ARID2: variants seen among roughly 807,000 people sequenced by gnomAD.
ARID2 encodes AT-rich interaction domain 2.
ARID2 carries 32 observed loss-of-function variants against 184.6 expected under a neutral mutation model. The observed-to-expected ratio is 0.17, with a 90% CI of 0.13 to 0.23. ARID2 has a LOEUF of 0.23. Ranked by LOEUF, ARID2 falls within the 10% of genes least tolerant of loss-of-function variation. ARID2 has a pLI of 1.00. For missense variants in ARID2, 1,696 were observed against 2,197.6 expected (o/e 0.77, Z 4.56); for synonymous variants, 836 against 772.6 (o/e 1.08, Z -1.36).
intron 3 of ARID2, among the ~76,000 whole-genome samples, chr12:45,753,642 G>T (rs987813881): frequency 6.6e-6 from 1 of 151,962 alleles, no homozygotes; most frequent in African/African-American, 2.4e-5. Context: ...TCGCTCTGTC[G>T]CCCAGGCTGG....
intron 3 of ARID2, among the ~76,000 whole-genome samples, chr12:45,742,648 G>A (rs372167053): frequency 1.2e-4 from 19 of 152,030 alleles, no homozygotes; most frequent in South Asian, 8.3e-4. Context: ...TGTTCCCATC[G>A]TGTAGCTATA....
At chr12:45,826,044 A>T (rs1316763464) in intron 6 of ARID2, among the ~76,000 whole-genome samples, 1 of 152,098 alleles carries the variant, frequency 6.6e-6, no homozygotes, top group Non-Finnish European at 1.5e-5. Context: ...CTAAGAAGAG[A>T]TAAAATTAAA....
intron 3 of ARID2, among the ~76,000 whole-genome samples, chr12:45,758,358 A>AT (rs889634404): frequency 1.1e-4 from 16 of 150,460 alleles, no homozygotes; most frequent in African/African-American, 3.2e-4. Flanking sequence ...ACATTATGAC[A>AT]TTTTTTTTTG....
At chr12:45,735,841 A>G (rs1486038437) in intron 3 of ARID2, among the ~76,000 whole-genome samples, 1 of 152,210 alleles carries the variant, frequency 6.6e-6, no homozygotes, top group East Asian at 1.9e-4. Context: ...TAAGACAGAT[A>G]GTTTTCACTG....
chr12:45,838,731 C>G (rs1943268168), intron 10 of ARID2, among the ~76,000 whole-genome samples: 1 of 151,968 alleles, frequency 6.6e-6, no homozygotes, highest in South Asian at 2.1e-4. Context: ...CGTGCCAGCA[C>G]TCCAGCCTGG....
intron 20 of ARID2, among the ~76,000 whole-genome samples, chr12:45,899,413 G>C (rs1347048375): frequency 1.3e-5 from 2 of 148,494 alleles, no homozygotes; most frequent in African/African-American, 5.0e-5. Context: ...GACCATCCTG[G>C]CTAACACAGT....
At chr12:45,754,388 C>T (rs1482835775) in intron 3 of ARID2, among the ~76,000 whole-genome samples, 2 of 152,042 alleles carry the variant, frequency 1.3e-5, no homozygotes, top group Non-Finnish European at 2.9e-5. Flanking sequence ...GTCTTTTTTT[C>T]TGTTTTAAAG....
intron 6 of ARID2, among the ~76,000 whole-genome samples, chr12:45,823,445 A>G (rs1942936338): frequency 6.6e-6 from 1 of 152,126 alleles, no homozygotes; most frequent in South Asian, 2.1e-4. Flanking sequence ...AAGAAATTCT[A>G]AAGATCAGAC....
chr12:45,866,554 T>C (rs1943833913), intron 16 of ARID2, among the ~76,000 whole-genome samples: 2 of 152,350 alleles, frequency 1.3e-5, no homozygotes, highest in African/African-American at 4.8e-5. Flanking sequence ...CTAAAAATGT[T>C]AACTTGTAAT....
chr12:45,898,108 A>G (rs958760512), intron 20 of ARID2, among the ~76,000 whole-genome samples: 1 of 152,206 alleles, frequency 6.6e-6, no homozygotes, highest in Non-Finnish European at 1.5e-5. Flanking sequence ...TACAAAGGAA[A>G]AAAAATTCTG....
chr12:45,793,971 T>C lies in ARID2; in HGVS notation c.285-17447T>C, dbSNP rs183352934. On this transcript the variant is annotated intron_variant, in intron 3 of 20. Transcript: ENST00000334344. ...TTTGAAACTATGTTGTAAGCAGTTA[T>C]GAATTTTTAAAATCTTGCCTGGGGT... 2.7e-3 allele frequency among the ~76,000 whole-genome samples: 409 copies of C among 152,308 alleles called. 3 individuals are homozygous for C. Among genetic ancestry groups the C allele is most frequent in the African/African-American group, 8.0e-3 (331 of 41,580 alleles).
chr12:45,804,470 T>C (rs188184198), intron 3 of ARID2, among the ~76,000 whole-genome samples: 266 of 151,696 alleles, frequency 1.8e-3, no homozygotes, highest in Middle Eastern at 0.01. Flanking sequence ...TTAGTTTTTC[T>C]AGTGTGTGCG....
At chr12:45,758,112 T>A (rs1433891667) in intron 3 of ARID2, among the ~76,000 whole-genome samples, 2 of 152,206 alleles carry the variant, frequency 1.3e-5, no homozygotes, top group African/African-American at 2.4e-5. Context: ...GCAGGATGCT[T>A]ACAGTTTCTC....
At position 45,729,936 on chromosome 12, in the gene ARID2, C is replaced by G. The variant is rs572055564; in HGVS notation, c.92+8C>G. 9.2e-5 allele frequency: 147 copies of G among 1,606,390 alleles called. No individual in the cohort carries two copies. In the South Asian group the frequency reaches 1.5e-3, roughly 17 times the overall value. ...GTTCCACCACAGCAGAGGGTGAGAGCAGAACCGGGGGGGCAGCGCCGGGGC... is the reference window on the plus strand; with the variant it reads ...GTTCCACCACAGCAGAGGGTGAGAGGAGAACCGGGGGGGCAGCGCCGGGGC... On this transcript the variant is annotated splice_region_variant and intron_variant, in intron 1 of 20. Coordinates refer to ENST00000334344, the MANE Select transcript of ARID2 (RefSeq NM_152641.4).
intron 5 of ARID2, among the ~76,000 whole-genome samples, chr12:45,819,870 A>C (rs1942867531): frequency 6.6e-6 from 1 of 151,800 alleles, no homozygotes. Context: ...TAGCCTCCCA[A>C]GTAGCTAGGA....
chr12:45,809,353 T>C (rs1283305899), intron 3 of ARID2, among the ~76,000 whole-genome samples: 1 of 152,250 alleles, frequency 6.6e-6, no homozygotes, highest in Non-Finnish European at 1.5e-5. Flanking sequence ...TTTGAGCACC[T>C]GTTTTTCCAG....
At position 45,732,869 on chromosome 12, in the gene ARID2, C is replaced by T. The variant is rs1941029347; in HGVS notation, c.284+1555C>T. On this transcript the variant is annotated intron_variant, in intron 3 of 20. Coordinates refer to ENST00000334344, the MANE Select transcript of ARID2 (RefSeq NM_152641.4). ...TTTACATTCATACTAATAGTTTTAG[C>T]ATAATCAAATTAATATCTAGGCTTC... 3.3e-5 allele frequency among the ~76,000 whole-genome samples: 5 copies of T among 152,062 alleles called. No homozygotes were observed. The South Asian group carries it at 1.0e-3, about 32-fold the overall frequency.
In ARID2 at chr12:45,901,150, CTTAATTTTTTTTT is replaced by C. The variant is rs1944451920; in HGVS notation, c.5364-3781_5364-3769del. 3.1e-5 allele frequency among the ~76,000 whole-genome samples: 3 copies of C among 97,510 alleles called. No individual in the cohort carries two copies. In the South Asian group the frequency reaches 1.0e-3, roughly 33 times the overall value. 64.0% of individuals were successfully genotyped at this position (97,510 alleles called of 152,430 possible). A position where few individuals can be genotyped will look rare whatever the true frequency, so the allele number is the denominator to read the frequency against. On this transcript the variant is annotated intron_variant, in intron 20 of 20. Transcript: ENST00000334344. ...GTTTAATCTATTTTTTGGAAATTTCCTTAATTTTTTTTTTTTTTTTTTTTTTTTTTTTTTTTTT... is the reference window on the plus strand; with the variant it reads ...GTTTAATCTATTTTTTGGAAATTTCCTTTTTTTTTTTTTTTTTTTTTTTTT...
intron 2 of ARID2, among the ~76,000 whole-genome samples, chr12:45,730,419 G>C (rs1254189318): frequency 6.8e-6 from 1 of 146,590 alleles, no homozygotes; most frequent in Non-Finnish European, 1.5e-5. Context: ...TGAGCGCCGC[G>C]GCGGGGAATG....
Sources: allele counts gnomAD v4.1 joint callset (sites outside exome capture counted in the v4.1 genomes callset), GRCh38; gene constraint gnomAD v4.1.1; transcripts MANE v1.5; gene names NCBI Gene and HGNC (gene_info 2026-07-23, HGNC 2026-07-21).